Variants in ZRANB1 observed in about 807,000 individuals in gnomAD.
ZRANB1 encodes the protein ubiquitin thioesterase ZRANB1.
Under a neutral mutation model 80.5 loss-of-function variants are expected in ZRANB1, and 16 were observed. That is an observed-to-expected ratio of 0.20 (90% confidence interval 0.13 to 0.30). The LOEUF (loss-of-function observed/expected upper bound fraction) is 0.30, where lower values mean the gene tolerates loss of function less well. Among genes scored for constraint, ZRANB1 ranks in the 10% least tolerant of loss-of-function variants. The pLI is 1.00. For missense variants in ZRANB1, 576 were observed against 862.6 expected (o/e 0.67, Z 4.16); for synonymous variants, 291 against 293.1 (o/e 0.99, Z 0.07).
Position 124,983,839 on chromosome 10 carries a change from T to C in ZRANB1, c.1908+151T>C. 1.5e-6 allele frequency: 1 copy of C among 646,168 alleles called. No homozygotes were observed. The highest frequency in any genetic ancestry group is 2.2e-5 in the South Asian group (1 of 46,362). 40.0% of individuals were successfully genotyped at this position (646,168 alleles called of 1,614,324 possible). ...TGAAGGTACTAGCTATACTTTGAAA[T>C]TTACCTTTTCAAAACTGCTGTATGG... On this transcript the variant is annotated intron_variant, in intron 8 of 8. Coordinates refer to ENST00000359653, the MANE Select transcript of ZRANB1 (RefSeq NM_017580.3). The surrounding 1 kb of genome is among the most constrained non-coding windows in gnomAD (Gnocchi z 6.2).
chr10:124,943,427 G>A lies in ZRANB1; in HGVS notation c.814+120G>A, dbSNP rs141705876. On this transcript the variant is annotated intron_variant, in intron 1 of 8. Coordinates refer to ENST00000359653, the MANE Select transcript of ZRANB1 (RefSeq NM_017580.3). ...CTTAGCCACTTGCTTGAAACCAGGA[G>A]TTTGAGGCTGTAGTATGCCATGATC... is the stretch of plus-strand genomic sequence containing the variant. 5 of 904,500 alleles carry A rather than the reference G, an allele frequency of 5.5e-6. No individual in the cohort carries two copies. The East Asian group carries it at 1.3e-4, about 24-fold the overall frequency. The allele number at this position is 904,500 out of a possible 1,614,324, so 56.0% of individuals were successfully genotyped here. A position where few individuals can be genotyped will look rare whatever the true frequency, so the allele number is the denominator to read the frequency against.
rs1253100109 is a variant in ZRANB1 at position 124,987,839 on chromosome 10, C to T, written c.*2847C>T. ...ACCTGGAATTGTTGGACTTAATTGA[C>T]ACTTGCAAATACTTTTAGTATAAAG... On this transcript the variant is annotated 3_prime_UTR_variant, in exon 9 of 9. Coordinates refer to ENST00000359653, the MANE Select transcript of ZRANB1 (RefSeq NM_017580.3). 1 of 152,194 alleles carries T rather than the reference C, an allele frequency of 6.6e-6. No individual in the cohort carries two copies. The highest frequency in any genetic ancestry group is 2.1e-4 in the South Asian group (1 of 4,826). The allele number at this position is 152,194 out of a possible 1,614,324, so 9.4% of individuals were successfully genotyped here.
chr10:124,977,290 T>C (rs1317486365), intron 5 of ZRANB1, among the ~76,000 whole-genome samples: 2 of 151,896 alleles, frequency 1.3e-5, no homozygotes, highest in African/African-American at 2.4e-5. Context: ...TTTTTTTTTT[T>C]TTCTTTTTTT....
At chr10:124,965,581 G>A (rs936238079) in intron 1 of ZRANB1, among the ~76,000 whole-genome samples, 7 of 152,162 alleles carry the variant, frequency 4.6e-5, no homozygotes, top group Non-Finnish European at 8.8e-5. Context: ...GTTCAAGATG[G>A]CAATTAAAAT....
intron 1 of ZRANB1, among the ~76,000 whole-genome samples, chr10:124,952,154 C>T (rs1393454089): frequency 1.3e-5 from 2 of 152,146 alleles, no homozygotes; most frequent in Non-Finnish European, 2.9e-5. Flanking sequence ...CACACCCCAC[C>T]TCCCCATGCG....
chr10:124,958,549 G>A (rs1384673821), intron 1 of ZRANB1, among the ~76,000 whole-genome samples: 1 of 151,118 alleles, frequency 6.6e-6, no homozygotes, highest in African/African-American at 2.4e-5. Flanking sequence ...CTTTTTTTTT[G>A]CATTTATTTA....
chr10:124,964,753 AG>A (rs1951764097), intron 1 of ZRANB1, among the ~76,000 whole-genome samples: 1 of 152,228 alleles, frequency 6.6e-6, no homozygotes, highest in Admixed American at 6.5e-5. Context: ...AGACTATAAA[AG>A]GTGCCTTGAT....
chr10:124,938,844 C>A (rs1951510672), upstream of ZRANB1, among the ~76,000 whole-genome samples: 2 of 151,916 alleles, frequency 1.3e-5, no homozygotes, highest in African/African-American at 2.4e-5. Flanking sequence ...GTAGCTGGGA[C>A]TATAGGCACA....
At chr10:124,930,849 A>G in the ZRANB1 span, among the ~76,000 whole-genome samples, 1 of 152,060 alleles carries the variant, frequency 6.6e-6, no homozygotes, top group African/African-American at 2.4e-5. Flanking sequence ...TGGACAATGT[A>G]TGAGACCTTG....
chr10:124,943,866 A>T (rs1951558375), intron 1 of ZRANB1, among the ~76,000 whole-genome samples: 1 of 152,226 alleles, frequency 6.6e-6, no homozygotes, highest in Non-Finnish European at 1.5e-5. Context: ...TCTTGTGATG[A>T]TAGAAGCTTT....
At chr10:124,964,307 A>G (rs887384232) in intron 1 of ZRANB1, among the ~76,000 whole-genome samples, 1 of 152,200 alleles carries the variant, frequency 6.6e-6, no homozygotes, top group Non-Finnish European at 1.5e-5. Context: ...TTGTTGTGCT[A>G]TGTAGTCTGC....
At chr10:124,947,869 C>T (rs891771986) in intron 1 of ZRANB1, among the ~76,000 whole-genome samples, 7 of 152,170 alleles carry the variant, frequency 4.6e-5, no homozygotes, top group African/African-American at 7.2e-5. Context: ...TGCCTTTGCC[C>T]TCCGTACAAT....
chr10:124,918,583 C>G, the ZRANB1 span, among the ~76,000 whole-genome samples: 2 of 152,190 alleles, frequency 1.3e-5, no homozygotes, highest in African/African-American at 2.4e-5. Context: ...GTGCAGCATC[C>G]AGCAGTACCC....
chr10:124,918,995 T>G, the ZRANB1 span, among the ~76,000 whole-genome samples: 1 of 152,208 alleles, frequency 6.6e-6, no homozygotes, highest in African/African-American at 2.4e-5. Flanking sequence ...GGACACCCAT[T>G]TATTTACTCT....
chr10:124,940,598 A>AT (rs143159305), upstream of ZRANB1: 152,944 of 1,152,930 alleles, frequency 0.13, 9,396 homozygotes, highest in East Asian at 0.2. Context: ...TCTTATAGTG[A>AT]TTTTTTTTTC....
At chr10:124,928,391 T>C in the ZRANB1 span, among the ~76,000 whole-genome samples, 1 of 152,130 alleles carries the variant, frequency 6.6e-6, no homozygotes, top group Non-Finnish European at 1.5e-5. Flanking sequence ...GGATCATCTT[T>C]ACAGATGTGA....
chr10:124,974,830 G>C (rs1951861900), intron 5 of ZRANB1, among the ~76,000 whole-genome samples: 1 of 152,142 alleles, frequency 6.6e-6, no homozygotes, highest in South Asian at 2.1e-4. Flanking sequence ...GCAGGGTCTG[G>C]CTCAATTGCT....
chr10:124,940,510 T>G (rs755407637), upstream of ZRANB1: 23 of 1,289,228 alleles, frequency 1.8e-5, no homozygotes, highest in South Asian at 2.8e-4. Context: ...TCTAATCATG[T>G]GCAAGGTGGA....
Position 124,943,252 on chromosome 10 carries a change from G to A in ZRANB1, c.759G>A (p.Lys253=). The A allele has an allele frequency of 6.2e-7, 1 of 1,614,110 alleles. No individual in the cohort carries two copies. The change falls in exon 1 of 9, where the codon AAG becomes AAA. Residue 253 remains lysine (K), a synonymous_variant. Coordinates refer to ENST00000359653, the MANE Select transcript of ZRANB1 (RefSeq NM_017580.3). ...TTGAAGTAGACTTTAAAAAACTAAA[G>A]CAAATTAAAAACAGGATGAAAAAGA... ...EELEVDFKKL[K]QIKNRMKKTD...
Sources: gnomAD v4.1 joint callset for allele counts (sites outside exome capture counted in the v4.1 genomes callset) on GRCh38, gnomAD v4.1.1 for gene constraint, Gnocchi (gnomAD v3.1) non-coding constraint, MANE v1.5 for transcripts, NCBI Gene and HGNC (gene_info 2026-07-23, HGNC 2026-07-21) for gene names.